CSMD1: variants seen among roughly 807,000 people sequenced by gnomAD.
The protein encoded by CSMD1 is CUB and Sushi multiple domains 1, also known as CUB and sushi domain-containing protein 1.
In CSMD1, 213 loss-of-function variants were observed where a neutral mutation model predicts 417.5. That is an observed-to-expected ratio of 0.51 (90% CI 0.46 to 0.57). The LOEUF (loss-of-function observed/expected upper bound fraction) is 0.57. Among genes scored for constraint, CSMD1 ranks in the 20% least tolerant of loss-of-function variants. CSMD1 has a pLI of 0.00. For missense variants in CSMD1, 6,923 were observed against 4,529.7 expected (o/e 1.53, Z -15.17); for synonymous variants, 2,862 against 1,736.8 (o/e 1.65, Z -16.11).
At chr8:4,412,286 C>G (rs1237128926) in intron 3 of CSMD1, among the ~76,000 whole-genome samples, 6 of 152,100 alleles carry the variant, frequency 3.9e-5, no homozygotes, top group African/African-American at 1.2e-4. Context: ...TAGTTTACCA[C>G]CATCCTCTCG....
chr8:4,699,302 A>G (rs1466432782), intron 1 of CSMD1, among the ~76,000 whole-genome samples: 2 of 152,216 alleles, frequency 1.3e-5, no homozygotes, highest in Non-Finnish European at 2.9e-5. Context: ...CTCTGTTTCT[A>G]GCAGAGTGCT....
chr8:3,601,591 C>T (rs1431760235), intron 8 of CSMD1, among the ~76,000 whole-genome samples: 1 of 152,148 alleles, frequency 6.6e-6, no homozygotes, highest in Non-Finnish European at 1.5e-5. Flanking sequence ...CCACAATCTA[C>T]TGTAGAATAA....
At chr8:3,502,375 A>AAAAG (rs1216406506) in intron 10 of CSMD1, among the ~76,000 whole-genome samples, 1 of 151,594 alleles carries the variant, frequency 6.6e-6, no homozygotes, top group East Asian at 1.9e-4. Flanking sequence ...AAAAAAAAAA[A>AAAAG]AAAAAAGAAG....
intron 2 of CSMD1, among the ~76,000 whole-genome samples, chr8:4,468,091 T>A (rs1335969873): frequency 2.0e-5 from 3 of 152,216 alleles, no homozygotes; most frequent in Admixed American, 6.5e-5. Flanking sequence ...TCTGCACTGT[T>A]CTGATGAACC....
At chr8:3,419,940 G>A (rs62505574) in intron 12 of CSMD1, among the ~76,000 whole-genome samples, 12,389 of 152,194 alleles carry the variant, frequency 0.081, 621 homozygotes, top group Middle Eastern at 0.15. Flanking sequence ...GTGACTTCCT[G>A]TGAGTTGCTA....
intron 5 of CSMD1, among the ~76,000 whole-genome samples, chr8:3,971,807 C>T (rs1484077352): frequency 6.6e-6 from 1 of 152,146 alleles, no homozygotes; most frequent in East Asian, 1.9e-4. Context: ...TATTAACTTA[C>T]TTTCTCTGTC....
chr8:3,107,680 G>T, intron 45 of CSMD1, 38 bp downstream of exon 45: 1 of 1,178,082 alleles, frequency 8.5e-7, no homozygotes, highest in Non-Finnish European at 1.3e-6. Context: ...AAAAAATGTC[G>T]TGCTGAATTC....
Position 4,892,454 on chromosome 8 carries a change from T to G in CSMD1, c.85+101878A>C, listed in dbSNP as rs530602534. 1.0e-3 allele frequency among the ~76,000 whole-genome samples: 153 copies of G among 152,176 alleles called. 5 individuals carry two copies. In the East Asian group the frequency reaches 0.027, roughly 27 times the overall value. ...CAAATAGAGATTATAAAAAAATAGG[T>G]TCATGTCTTTTAATCACGTTTTACT... On this transcript the variant is annotated intron_variant, in intron 1 of 69. Coordinates refer to ENST00000635120, the MANE Select transcript of CSMD1 (RefSeq NM_033225.6).
intron 1 of CSMD1, among the ~76,000 whole-genome samples, chr8:4,679,418 A>G (rs1584935452): frequency 6.6e-6 from 1 of 152,230 alleles, no homozygotes; most frequent in Non-Finnish European, 1.5e-5. Context: ...AATAATAATT[A>G]AAGTAGTAAT....
chr8:2,960,554 C>T (rs561929825), intron 62 of CSMD1, among the ~76,000 whole-genome samples: 6 of 152,136 alleles, frequency 3.9e-5, no homozygotes, highest in Admixed American at 2.6e-4. Flanking sequence ...ATTTCTCCAA[C>T]GTTCACTGAA....
intron 3 of CSMD1, among the ~76,000 whole-genome samples, chr8:4,100,370 C>G (rs1585313164): frequency 6.6e-6 from 1 of 152,218 alleles, no homozygotes; most frequent in Admixed American, 6.5e-5. Flanking sequence ...TCCTCCACCA[C>G]CCATCTCCTT....
intron 6 of CSMD1, 65 bp downstream of exon 6, chr8:3,753,865 C>G (rs1032164433): frequency 1.7e-6 from 2 of 1,151,332 alleles, no homozygotes; most frequent in African/African-American, 3.1e-5. Context: ...AATTTCATGG[C>G]TAGAAAGGAT....
intron 2 of CSMD1, among the ~76,000 whole-genome samples, chr8:4,620,469 T>C (rs1026783781): frequency 2.0e-5 from 3 of 151,658 alleles, no homozygotes; most frequent in Non-Finnish European, 4.4e-5. Context: ...CTTCTACTTT[T>C]ATAGCTGAAC....
At chr8:4,159,771 G>C (rs916747683) in intron 3 of CSMD1, among the ~76,000 whole-genome samples, 2 of 152,140 alleles carry the variant, frequency 1.3e-5, no homozygotes, top group African/African-American at 4.8e-5. Context: ...TATATTTTTA[G>C]TAGAGATGGG....
chr8:4,788,072 G>A, intron 1 of CSMD1: 1 of 1,600,044 alleles, frequency 6.2e-7, no homozygotes, highest in Non-Finnish European at 8.5e-7. Context: ...GGGTTGCAGA[G>A]AAAGTAGAGT....
chr8:3,850,149 C>G (rs1194071060), intron 5 of CSMD1, among the ~76,000 whole-genome samples: 1 of 152,180 alleles, frequency 6.6e-6, no homozygotes, highest in East Asian at 1.9e-4. Flanking sequence ...TAGGGCATAT[C>G]CCTTATGAAT....
intron 5 of CSMD1, among the ~76,000 whole-genome samples, chr8:3,954,327 G>C (rs1052697585): frequency 1.3e-5 from 2 of 152,180 alleles, no homozygotes; most frequent in Admixed American, 1.3e-4. Flanking sequence ...GAAGGCTGAA[G>C]AGAGAAGGTC....
intron 1 of CSMD1, among the ~76,000 whole-genome samples, chr8:4,663,240 G>A (rs1415152597): frequency 1.3e-5 from 2 of 152,180 alleles, no homozygotes; most frequent in African/African-American, 4.8e-5. Flanking sequence ...TTTTACTGCT[G>A]ACTTTTCATT....
At chr8:4,313,529 C>G (rs935250814) in intron 3 of CSMD1, among the ~76,000 whole-genome samples, 2 of 148,464 alleles carry the variant, frequency 1.3e-5, no homozygotes, top group Non-Finnish European at 3.0e-5. Context: ...AAAAATCACG[C>G]GTAGGTCACA....
Sources: gnomAD v4.1 joint callset for allele counts (sites outside exome capture counted in the v4.1 genomes callset) on GRCh38, gnomAD v4.1.1 for gene constraint, MANE v1.5 for transcripts, NCBI Gene and HGNC (gene_info 2026-07-23, HGNC 2026-07-21) for gene names.